Variants in MYO3B observed in about 807,000 individuals in gnomAD.
The protein encoded by MYO3B is myosin IIIB.
MYO3B carries 156 observed loss-of-function variants against 174.6 expected under a neutral mutation model. That is an observed-to-expected ratio of 0.89 (90% CI 0.78 to 1.02). MYO3B has a LOEUF of 1.02. Among genes scored for constraint, MYO3B ranks in the 50% least tolerant of loss-of-function variants. The probability of loss-of-function intolerance (pLI) is 0.00; values close to 1 mark genes in which losing one functional copy is unlikely to be tolerated. For synonymous variants in MYO3B, 563 were observed against 569.1 expected (o/e 0.99, Z 0.15); for missense variants, 1,632 against 1,639.4 (o/e 1.00, Z 0.08).
In MYO3B at chr2:170,597,492, C is replaced by T. The variant is rs139401804; in HGVS notation, c.3733+53504C>T. Among the ~76,000 whole-genome samples the T allele has an allele frequency of 5.7e-3, 869 of 152,284 alleles. 8 individuals are homozygous for T. Among genetic ancestry groups the T allele is most frequent in the African/African-American group, 0.02 (842 of 41,550 alleles). On this transcript the variant is annotated intron_variant, in intron 32 of 34. Coordinates refer to ENST00000408978, the MANE Select transcript of MYO3B (RefSeq NM_138995.5). ...CAGCAGCAAGGCCTGTTTGTATTGC[C>T]TGGCCCTCCAGAGTACCCCTGGATC...
rs550324792 is a variant in MYO3B at position 170,205,479 on chromosome 2, T to C, written c.321+5195T>C. The stretch of plus-strand genomic sequence containing the variant: ...TGCCTCCCTGAGATGTGAGCCAGGG[T>C]GGGGAGTGGTCCTGATGAAGGTTCT... On this transcript the variant is annotated intron_variant, in intron 3 of 34. Transcript: ENST00000408978. Among the ~76,000 whole-genome samples the C allele has an allele frequency of 2.0e-5, 3 of 152,234 alleles. No homozygotes were observed. The East Asian group carries it at 5.8e-4, about 29-fold the overall frequency.
At chr2:170,525,959 A>G (rs1271561357) in intron 30 of MYO3B, among the ~76,000 whole-genome samples, 1 of 152,204 alleles carries the variant, frequency 6.6e-6, no homozygotes, top group Non-Finnish European at 1.5e-5. Flanking sequence ...AAGTTAGTGC[A>G]CTAACACGTT....
chr2:170,382,130 G>C lies in MYO3B; in HGVS notation c.1068+18G>C. 1 of 1,573,938 alleles carries C rather than the reference G, an allele frequency of 6.4e-7. No homozygotes were observed. Among genetic ancestry groups the C allele is most frequent in the African/African-American group, 1.3e-5 (1 of 74,312 alleles). On this transcript the variant is annotated intron_variant, in intron 10 of 34. Transcript: ENST00000408978. Reference sequence around the variant, plus strand: ...TGGATGAGGTACTAAATATTTAGTAGACAATTCTCATTGAAGACATTTGTT... The same window carrying C: ...TGGATGAGGTACTAAATATTTAGTACACAATTCTCATTGAAGACATTTGTT...
chr2:170,557,592 C>A (rs2106243754), intron 32 of MYO3B, among the ~76,000 whole-genome samples: 1 of 152,258 alleles, frequency 6.6e-6, no homozygotes, highest in South Asian at 2.1e-4. Flanking sequence ...CTTGAGCACC[C>A]ACTAAATGGC....
At chr2:170,573,837 C>G (rs1228364995) in intron 32 of MYO3B, among the ~76,000 whole-genome samples, 1 of 152,130 alleles carries the variant, frequency 6.6e-6, no homozygotes, top group Non-Finnish European at 1.5e-5. Flanking sequence ...CCATAGTTGC[C>G]TTTTTCCCTC....
intron 32 of MYO3B, among the ~76,000 whole-genome samples, chr2:170,568,995 C>T (rs72881846): frequency 0.034 from 5,132 of 152,226 alleles, 230 homozygotes; most frequent in East Asian, 0.2. Context: ...TATTTTTAGA[C>T]ATCCAGTCTG....
At chr2:170,492,977 T>C (rs541917876) in intron 25 of MYO3B, among the ~76,000 whole-genome samples, 15 of 152,242 alleles carry the variant, frequency 9.9e-5, no homozygotes, top group African/African-American at 3.4e-4. Flanking sequence ...TCATTTGCAC[T>C]AAAGAACATA....
intron 28 of MYO3B, among the ~76,000 whole-genome samples, chr2:170,514,334 A>G (rs1688160721): frequency 6.6e-6 from 1 of 152,202 alleles, no homozygotes; most frequent in African/African-American, 2.4e-5. Context: ...GGACAATGAG[A>G]AGCTGCAATG....
chr2:170,261,864 A>G (rs2093348203), intron 7 of MYO3B, among the ~76,000 whole-genome samples: 1 of 152,198 alleles, frequency 6.6e-6, no homozygotes, highest in African/African-American at 2.4e-5. Flanking sequence ...ATGTTCAGGA[A>G]GATTGGAAAT....
At chr2:170,512,771 TTAAA>T (rs1265558418) in intron 28 of MYO3B, among the ~76,000 whole-genome samples, 1 of 152,216 alleles carries the variant, frequency 6.6e-6, no homozygotes, top group African/African-American at 2.4e-5. Flanking sequence ...TTTGAAATGT[TTAAA>T]TAAATGACCT....
Position 170,543,891 on chromosome 2 carries a change from G to A in MYO3B, c.3637-1G>A, listed in dbSNP as rs771057356. The A allele has an allele frequency of 1.2e-6, 2 of 1,611,912 alleles. No homozygotes were observed. Among genetic ancestry groups the A allele is most frequent in the Admixed American group, 1.7e-5 (1 of 59,976 alleles). Reference sequence around the variant, plus strand: ...ATTTCTCTTACTGGGTTTTTCTGAAGCACTCGGTTTCTGGGACTGATTTGC... The same window carrying A: ...ATTTCTCTTACTGGGTTTTTCTGAAACACTCGGTTTCTGGGACTGATTTGC... On this transcript the variant is annotated splice_acceptor_variant, in intron 31 of 34. Transcript: ENST00000408978. LOFTEE classifies it high-confidence loss of function.
intron 7 of MYO3B, among the ~76,000 whole-genome samples, chr2:170,259,646 G>A (rs2093330428): frequency 6.6e-6 from 1 of 152,120 alleles, no homozygotes; most frequent in Non-Finnish European, 1.5e-5. Context: ...CCTTGGCAAA[G>A]AATTTATGAC....
chr2:170,199,670 T>C (rs2092639798), intron 2 of MYO3B, among the ~76,000 whole-genome samples: 1 of 152,198 alleles, frequency 6.6e-6, no homozygotes, highest in Non-Finnish European at 1.5e-5. Context: ...TACTACCTGG[T>C]CTTTCTGTAA....
intron 8 of MYO3B, among the ~76,000 whole-genome samples, chr2:170,353,406 A>G (rs969060959): frequency 6.9e-6 from 1 of 145,174 alleles, no homozygotes; most frequent in Non-Finnish European, 1.5e-5. Flanking sequence ...AGTTGTGGGC[A>G]GGGAGGGAGG....
intron 3 of MYO3B, among the ~76,000 whole-genome samples, chr2:170,209,439 C>T (rs190289860): frequency 3.6e-4 from 55 of 152,266 alleles, no homozygotes; most frequent in African/African-American, 9.9e-4. Flanking sequence ...TCTATGAGTT[C>T]GGTCCATTTA....
chr2:170,232,162 A>C (rs898268763), intron 6 of MYO3B, among the ~76,000 whole-genome samples: 3 of 152,226 alleles, frequency 2.0e-5, no homozygotes, highest in African/African-American at 7.2e-5. Flanking sequence ...TCCTGGGGAC[A>C]AGGGAAGAAA....
At position 170,654,647 on chromosome 2, in the gene MYO3B, C is replaced by CAAAAAAAAAAAAAAAAAAAAAAAAAAA. The variant is rs1214280064; in HGVS notation, c.*1552_*1553insAAAAAAAAAAAAAAAAAAAAAAAAAAA. The CAAAAAAAAAAAAAAAAAAAAAAAAAAA allele has an allele frequency of 2.2e-5, 1 of 46,270 alleles. No homozygotes were observed. The highest frequency in any genetic ancestry group is 2.7e-4 in the Admixed American group (1 of 3,732). 2.9% of individuals were successfully genotyped at this position (46,270 alleles called of 1,614,324 possible). A position where few individuals can be genotyped will look rare whatever the true frequency, so the allele number is the denominator to read the frequency against. ...TGGGCGACAGGGCAAGACTCTGTCT[C>CAAAAAAAAAAAAAAAAAAAAAAAAAAA]AAAAAAAAAAAAAAAAAAAAAAAAA... On this transcript the variant is annotated 3_prime_UTR_variant, in exon 35 of 35. Transcript: ENST00000408978.
chr2:170,429,077 A>G (rs545235529), intron 22 of MYO3B, among the ~76,000 whole-genome samples: 1 of 152,318 alleles, frequency 6.6e-6, no homozygotes, highest in African/African-American at 2.4e-5. Flanking sequence ...TTAAAAACAC[A>G]AGGAAGCATA....
intron 9 of MYO3B, among the ~76,000 whole-genome samples, chr2:170,374,935 A>C (rs1485709874): frequency 6.6e-6 from 1 of 152,160 alleles, no homozygotes; most frequent in Non-Finnish European, 1.5e-5. Context: ...TTTTTCCAGT[A>C]AATTATAATT....
Sources: allele counts gnomAD v4.1 joint callset (sites outside exome capture counted in the v4.1 genomes callset), GRCh38; gene constraint gnomAD v4.1.1; transcripts MANE v1.5; gene names NCBI Gene and HGNC (gene_info 2026-07-23, HGNC 2026-07-21).